Variants in TP63 observed in about 807,000 individuals in gnomAD.
TP63 encodes tumor protein p63, also known as tumor protein 63.
TP63 carries 17 observed loss-of-function variants against 82.8 expected under a neutral mutation model. That is an observed-to-expected ratio of 0.21 (90% CI 0.14 to 0.31). The LOEUF is 0.31. Among genes scored for constraint, TP63 ranks in the 10% least tolerant of loss-of-function variants. The probability of loss-of-function intolerance (pLI) is 1.00; values close to 1 mark genes in which losing one functional copy is unlikely to be tolerated. For synonymous variants in TP63, 330 were observed against 321.7 expected (o/e 1.03, Z -0.28); for missense variants, 648 against 895.3 (o/e 0.72, Z 3.52).
At position 189,800,517 on chromosome 3, in the gene TP63, G is replaced by A. The variant is rs1034135786; in HGVS notation, c.325-7755G>A. On this transcript the variant is annotated intron_variant, in intron 3 of 13. Transcript: ENST00000264731. ...AAAAAAAAGCAAATAAAAGAGGTGC[G>A]CTTTTCTTGATTGTAACTTTCAGAT... Among the ~76,000 whole-genome samples the A allele has an allele frequency of 7.6e-4, 115 of 151,370 alleles. 1 individual carries two copies. Among genetic ancestry groups the A allele is most frequent in the African/African-American group, 2.8e-3 (114 of 41,228 alleles).
At chr3:189,719,863 C>T (rs1235763992) in intron 1 of TP63, among the ~76,000 whole-genome samples, 1 of 152,146 alleles carries the variant, frequency 6.6e-6, no homozygotes, top group Non-Finnish European at 1.5e-5. Context: ...GTAGATAAAG[C>T]CTGGGTTTGT....
At chr3:189,642,564 A>G (rs1425081262) in intron 1 of TP63, among the ~76,000 whole-genome samples, 1 of 152,110 alleles carries the variant, frequency 6.6e-6, no homozygotes, top group Non-Finnish European at 1.5e-5. Flanking sequence ...TTTCATGTAT[A>G]AAGAAGAGTG....
At chr3:189,879,414 C>T (rs1280910193) in intron 10 of TP63, among the ~76,000 whole-genome samples, 1 of 152,120 alleles carries the variant, frequency 6.6e-6, no homozygotes, top group African/African-American at 2.4e-5. Context: ...CATTTATAGG[C>T]CGAGTTTTTT....
At chr3:189,640,256 T>C (rs1053863806) in intron 1 of TP63, among the ~76,000 whole-genome samples, 1 of 152,136 alleles carries the variant, frequency 6.6e-6, no homozygotes, top group Non-Finnish European at 1.5e-5. Context: ...ACCCTTTTGT[T>C]ATCTCAGGCA....
chr3:189,880,115 T>C, intron 10 of TP63: 2 of 1,613,904 alleles, frequency 1.2e-6, no homozygotes, highest in Non-Finnish European at 1.7e-6. Context: ...GGAGAGAAAC[T>C]CCAAAACAAT....
chr3:189,857,187 A>G (rs1293545232), intron 4 of TP63, among the ~76,000 whole-genome samples: 1 of 152,162 alleles, frequency 6.6e-6, no homozygotes, highest in African/African-American at 2.4e-5. Flanking sequence ...ATAGATCAAT[A>G]GGAAAGAGGG....
At chr3:189,621,506 T>A in the TP63 span, among the ~76,000 whole-genome samples, 1 of 151,850 alleles carries the variant, frequency 6.6e-6, no homozygotes, top group South Asian at 2.1e-4. Context: ...TGTTACACTA[T>A]AGTATATTTT....
the TP63 span, among the ~76,000 whole-genome samples, chr3:189,611,673 G>T: frequency 1.3e-5 from 2 of 152,256 alleles, no homozygotes; most frequent in East Asian, 1.9e-4. Context: ...GAATGTCATT[G>T]GTTGTTTGAT....
chr3:189,786,446 A>AACACAC lies in TP63; in HGVS notation c.325-21795_325-21790dup, dbSNP rs59747587. 6.1e-3 allele frequency among the ~76,000 whole-genome samples: 897 copies of AACACAC among 147,096 alleles called. 12 individuals are homozygous for AACACAC. Among genetic ancestry groups the AACACAC allele is most frequent in the African/African-American group, 0.021 (828 of 39,928 alleles). On this transcript the variant is annotated intron_variant, in intron 3 of 13. Coordinates refer to ENST00000264731, the MANE Select transcript of TP63 (RefSeq NM_003722.5). Reference sequence around the variant, plus strand: ...AAATTTGAAAGACCAGACATACCTAAACACACACACACACACACACACACA... The same window carrying AACACAC: ...AAATTTGAAAGACCAGACATACCTAAACACACACACACACACACACACACACACACA...
At chr3:189,615,966 G>A in the TP63 span, among the ~76,000 whole-genome samples, 1 of 152,194 alleles carries the variant, frequency 6.6e-6, no homozygotes, top group Non-Finnish European at 1.5e-5. Context: ...ACCCGATCTG[G>A]CACTATTAGC....
At chr3:189,744,179 A>G (rs753803138) in intron 3 of TP63, among the ~76,000 whole-genome samples, 21 of 151,368 alleles carry the variant, frequency 1.4e-4, no homozygotes, top group African/African-American at 5.1e-4. Context: ...TGACCCCTTC[A>G]CCCCCCAACA....
intron 1 of TP63, among the ~76,000 whole-genome samples, chr3:189,720,966 T>A (rs1336253603): frequency 6.6e-6 from 1 of 152,188 alleles, no homozygotes; most frequent in East Asian, 1.9e-4. Context: ...CCAGAGGGCC[T>A]ATTCGTAAAC....
intron 3 of TP63, among the ~76,000 whole-genome samples, chr3:189,752,019 A>G (rs1357554079): frequency 6.6e-6 from 1 of 152,140 alleles, no homozygotes; most frequent in Admixed American, 6.5e-5. Flanking sequence ...GGACACTCTA[A>G]TTATGAATTT....
At chr3:189,678,374 T>G (rs957342929) in intron 1 of TP63, among the ~76,000 whole-genome samples, 2 of 152,084 alleles carry the variant, frequency 1.3e-5, no homozygotes, top group East Asian at 1.9e-4. Context: ...TATGTTTTTG[T>G]TGAAGATAAG....
At chr3:189,879,490 C>A (rs1719669862) in intron 10 of TP63, among the ~76,000 whole-genome samples, 1 of 152,200 alleles carries the variant, frequency 6.6e-6, no homozygotes, top group African/African-American at 2.4e-5. Context: ...TTAAACAGTT[C>A]TTTGTAAATG....
the TP63 span, among the ~76,000 whole-genome samples, chr3:189,618,055 A>G: frequency 0.44 from 66,455 of 152,026 alleles, 15,337 homozygotes; most frequent in East Asian, 0.5. Context: ...TGCAGCATCC[A>G]GTACAAATAA....
chr3:189,612,173 T>C, the TP63 span, among the ~76,000 whole-genome samples: 1 of 152,150 alleles, frequency 6.6e-6, no homozygotes, highest in African/African-American at 2.4e-5. Context: ...TCTTGAGGAC[T>C]GTGTTCCTTT....
intron 1 of TP63, among the ~76,000 whole-genome samples, chr3:189,712,408 C>A (rs756116737): frequency 6.6e-6 from 1 of 152,112 alleles, no homozygotes; most frequent in African/African-American, 2.4e-5. Context: ...GGGTAACTTA[C>A]AAACAATAGA....
chr3:189,635,495 C>T (rs1196276347), intron 1 of TP63, among the ~76,000 whole-genome samples: 1 of 152,042 alleles, frequency 6.6e-6, no homozygotes, highest in East Asian at 1.9e-4. Flanking sequence ...CTTTTCTTCT[C>T]TGGTTTCCTG....
Sources: gnomAD v4.1 joint callset for allele counts (sites outside exome capture counted in the v4.1 genomes callset) on GRCh38, gnomAD v4.1.1 for gene constraint, MANE v1.5 for transcripts, NCBI Gene and HGNC (gene_info 2026-07-23, HGNC 2026-07-21) for gene names.